MTAP: variants seen among roughly 807,000 people sequenced by gnomAD.
MTAP encodes S-methyl-5'-thioadenosine phosphorylase.
A neutral mutation model predicts 33.6 loss-of-function variants in MTAP; 33 were observed. The observed-to-expected ratio is 0.98, with a 90% CI of 0.74 to 1.31. MTAP has a LOEUF of 1.31. MTAP is among the 40% of genes most tolerant of loss of function. MTAP has a pLI of 0.00. For missense variants in MTAP, 367 were observed against 360.0 expected (o/e 1.02, Z -0.16); for synonymous variants, 148 against 125.7 (o/e 1.18, Z -1.19).
intron 1 of MTAP, among the ~76,000 whole-genome samples, chr9:21,902,555 T>G (rs150472366): frequency 2.3e-4 from 35 of 152,368 alleles, no homozygotes; most frequent in African/African-American, 7.0e-4. Flanking sequence ...ACATAACCAG[T>G]GAAGTCAATC....
chr9:21,849,428 C>G (rs148529628), intron 5 of MTAP, among the ~76,000 whole-genome samples: 166 of 152,278 alleles, frequency 1.1e-3, no homozygotes, highest in African/African-American at 3.7e-3. Flanking sequence ...AGTTTTAGCT[C>G]AGGTCTGACG....
At chr9:21,802,836 CCCGCGCCGGGGGA>C in intron 1 of MTAP, 55 bp downstream of exon 1, 1 of 1,605,358 alleles carries the variant, frequency 6.2e-7, no homozygotes, top group Non-Finnish European at 8.5e-7. Context: ...CCTTCTCGCC[CCCGCGCCGGGGGA>C]CCGCGCCTCC....
Position 21,865,385 on chromosome 9 carries a change from T to C in MTAP, c.*3371T>C, listed in dbSNP as rs536422501. 1.1e-6 allele frequency: 1 copy of C among 950,332 alleles called. No homozygotes were observed. The highest frequency in any genetic ancestry group is 6.2e-5 in the Admixed American group (1 of 16,244). 58.9% of individuals were successfully genotyped at this position (950,332 alleles called of 1,614,324 possible). A position where few individuals can be genotyped will look rare whatever the true frequency, so the allele number is the denominator to read the frequency against. The stretch of plus-strand genomic sequence containing the variant: ...TGTGAGTTAATTAAACCTCTTTCCT[T>C]TATAAATTACCCAGTCATGGGCAGT... On this transcript the variant is annotated 3_prime_UTR_variant, in exon 8 of 8. Coordinates refer to ENST00000644715, the MANE Select transcript of MTAP (RefSeq NM_002451.4).
In MTAP at chr9:21,925,608, G is replaced by A. The variant is rs7865780; in HGVS notation, c.148-5400G>A. 4.0e-3 allele frequency among the ~76,000 whole-genome samples: 602 copies of A among 152,302 alleles called. 7 individuals are homozygous for A. The highest frequency in any genetic ancestry group is 0.013 in the African/African-American group (557 of 41,556). On this transcript the variant is annotated intron_variant, in intron 1 of 1. Coordinates refer to the MTAP transcript ENST00000577563. ...CCAAGACACTGGAAGACAAACTGCC[G>A]CAGTGGGACAGATGGGAAAAATCCC...
At chr9:21,841,084 G>T (rs1168536777) in intron 5 of MTAP, among the ~76,000 whole-genome samples, 1 of 152,140 alleles carries the variant, frequency 6.6e-6, no homozygotes, top group African/African-American at 2.4e-5. Context: ...TTCCCACAGT[G>T]TCTGCAGCAA....
chr9:21,852,929 A>G (rs888254107), intron 5 of MTAP, among the ~76,000 whole-genome samples: 1 of 152,204 alleles, frequency 6.6e-6, no homozygotes, highest in African/African-American at 2.4e-5. Flanking sequence ...TTTCACTACC[A>G]CATCCGTCTG....
At chr9:21,879,714 C>T (rs7863919) in intron 1 of MTAP, among the ~76,000 whole-genome samples, 4,477 of 152,194 alleles carry the variant, frequency 0.029, 181 homozygotes, top group African/African-American at 0.081. Flanking sequence ...AGATCTCTTA[C>T]AAGGCAGATC....
At chr9:21,941,067 G>A (rs986692773), downstream of MTAP, 1 of 850,118 alleles carries the variant, frequency 1.2e-6, no homozygotes, top group African/African-American at 1.8e-5. Context: ...AACTCTGCAT[G>A]TATAATAGTT....
At chr9:21,930,941 T>A (rs1818948050) in intron 1 of MTAP, 2 of 686,134 alleles carry the variant, frequency 2.9e-6, no homozygotes, top group African/African-American at 1.7e-5. Flanking sequence ...GCCTCTACTT[T>A]TGCTCCTTTC....
At chr9:21,854,899 T>G (rs201854413) in intron 6 of MTAP, 29 bp downstream of exon 6, 3 of 1,610,856 alleles carry the variant, frequency 1.9e-6, no homozygotes, top group African/African-American at 1.3e-5. Flanking sequence ...TAAGCACATA[T>G]AGCATGGGTT....
At chr9:21,898,302 C>A (rs1388667240) in intron 1 of MTAP, among the ~76,000 whole-genome samples, 3 of 152,088 alleles carry the variant, frequency 2.0e-5, no homozygotes, top group Non-Finnish European at 4.4e-5. Context: ...TAGGCAATAC[C>A]ATTCAGGACA....
At chr9:21,894,793 G>A (rs1427227355) in intron 1 of MTAP, among the ~76,000 whole-genome samples, 3 of 151,362 alleles carry the variant, frequency 2.0e-5, no homozygotes, top group East Asian at 1.9e-4. Flanking sequence ...TCTGTCCAAA[G>A]CCTCCTGCAT....
rs1264458253 is a variant in MTAP, at chr9:21,866,732, A to G, written c.*4718A>G. The stretch of plus-strand genomic sequence containing the variant: ...TATAGGTCCTTTCTTTATAAAGTTT[A>G]TATTAAGCTTCTCCATTTTTCTTTA... On this transcript the variant is annotated 3_prime_UTR_variant, in exon 8 of 8. Coordinates refer to ENST00000644715, the MANE Select transcript of MTAP (RefSeq NM_002451.4). 1 of 152,110 alleles carries G rather than the reference A, an allele frequency of 6.6e-6. No individual in the cohort carries two copies. The highest frequency in any genetic ancestry group is 2.4e-5 in the African/African-American group (1 of 41,446). The allele number at this position is 152,110 out of a possible 1,614,324, so 9.4% of individuals were successfully genotyped here. A position where few individuals can be genotyped will look rare whatever the true frequency, so the allele number is the denominator to read the frequency against.
intron 5 of MTAP, among the ~76,000 whole-genome samples, chr9:21,842,612 C>T (rs538261439): frequency 9.8e-5 from 15 of 152,288 alleles, no homozygotes; most frequent in East Asian, 5.8e-4. Flanking sequence ...TTTTTAACCT[C>T]TTGAAACAAA....
chr9:21,915,838 T>C (rs1818679139), intron 1 of MTAP, among the ~76,000 whole-genome samples: 1 of 152,014 alleles, frequency 6.6e-6, no homozygotes, highest in Non-Finnish European at 1.5e-5. Flanking sequence ...GAGACCAGTC[T>C]GGGCAACATA....
chr9:21,911,181 G>A (rs1317675680), intron 1 of MTAP, among the ~76,000 whole-genome samples: 1 of 152,092 alleles, frequency 6.6e-6, no homozygotes. Flanking sequence ...CAGTAATAAT[G>A]GGAGACTTTA....
chr9:21,881,674 C>T (rs1818012941), intron 1 of MTAP, among the ~76,000 whole-genome samples: 1 of 151,966 alleles, frequency 6.6e-6, no homozygotes, highest in African/African-American at 2.4e-5. Context: ...ATCAAAACCA[C>T]ATTGAGATAT....
chr9:21,870,102 T>C (rs1825915034), downstream of MTAP, among the ~76,000 whole-genome samples: 1 of 152,182 alleles, frequency 6.6e-6, no homozygotes, highest in Non-Finnish European at 1.5e-5. Flanking sequence ...CCACCTGGCC[T>C]CACTACAGCA....
In MTAP at chr9:21,929,580, A is replaced by C. The variant is rs181966423; in HGVS notation, c.148-1428A>C. ...ACACAGGATCCCCTTACTCCACCAAATGCTGGTTATGTACTAGCTCTTCCT... is the reference window on the plus strand; with the variant it reads ...ACACAGGATCCCCTTACTCCACCAACTGCTGGTTATGTACTAGCTCTTCCT... On this transcript the variant is annotated intron_variant, in intron 1 of 1. Transcript: ENST00000577563. 9 of 367,084 alleles carry C rather than the reference A, an allele frequency of 2.5e-5. 1 individual carries two copies. The East Asian group carries it at 3.1e-4, about 13-fold the overall frequency. 22.7% of individuals were successfully genotyped at this position (367,084 alleles called of 1,614,324 possible). A position where few individuals can be genotyped will look rare whatever the true frequency, so the allele number is the denominator to read the frequency against.
Sources: allele counts gnomAD v4.1 joint callset (sites outside exome capture counted in the v4.1 genomes callset), GRCh38; gene constraint gnomAD v4.1.1; transcripts MANE v1.5; gene names NCBI Gene and HGNC (gene_info 2026-07-23, HGNC 2026-07-21).